Variants in ATP13A3 observed in about 807,000 individuals in gnomAD.
The protein encoded by ATP13A3 is polyamine-transporting ATPase 13A3.
In ATP13A3, 59 loss-of-function variants were observed where a neutral mutation model predicts 158.1. That is an observed-to-expected ratio of 0.37 (90% CI 0.30 to 0.46). ATP13A3 has a LOEUF of 0.46. Ranked by LOEUF, ATP13A3 falls within the 20% of genes least tolerant of loss-of-function variation. The pLI is 1.00. For missense variants in ATP13A3, 1,166 were observed against 1,525.2 expected (o/e 0.76, Z 3.92); for synonymous variants, 491 against 504.3 (o/e 0.97, Z 0.35).
intron 8 of ATP13A3, among the ~76,000 whole-genome samples, chr3:194,455,181 A>G (rs1211990604): frequency 6.6e-6 from 1 of 152,194 alleles, no homozygotes; most frequent in African/African-American, 2.4e-5. Flanking sequence ...GGGTTATGTT[A>G]CTTTGCTTTC....
At chr3:194,429,086 T>G (rs1429327997) in intron 27 of ATP13A3, among the ~76,000 whole-genome samples, 169 bp from the exon 28 acceptor site, 2 of 152,126 alleles carry the variant, frequency 1.3e-5, no homozygotes, top group Admixed American at 1.3e-4. Flanking sequence ...ATAACATATA[T>G]TTATAAATAT....
intron 2 of ATP13A3, among the ~76,000 whole-genome samples, chr3:194,466,430 A>G (rs1325000688): frequency 3.3e-5 from 5 of 152,244 alleles, no homozygotes; most frequent in African/African-American, 1.2e-4. Context: ...AGATTCTGCA[A>G]GTATCAGAAG....
chr3:194,403,632 G>A lies in ATP13A3; in HGVS notation c.*2287C>T, dbSNP rs1714753043. On this transcript the variant is annotated 3_prime_UTR_variant, in exon 34 of 34. Transcript: ENST00000645319. ...TATATGTACAGATTTTAAAATTTAG[G>A]TCTGTATAAACTCAAATAATTTAAT... is the stretch of plus-strand genomic sequence containing the variant. 6.6e-6 allele frequency: 1 copy of A among 152,202 alleles called. No homozygotes were observed. Among genetic ancestry groups the A allele is most frequent in the African/African-American group, 2.4e-5 (1 of 41,374 alleles). 9.4% of individuals were successfully genotyped at this position (152,202 alleles called of 1,614,324 possible). A position where few individuals can be genotyped will look rare whatever the true frequency, so the allele number is the denominator to read the frequency against.
intron 14 of ATP13A3, 64 bp downstream of exon 14, chr3:194,446,863 C>G (rs1718442744): frequency 2.2e-6 from 3 of 1,386,870 alleles, no homozygotes; most frequent in Non-Finnish European, 2.9e-6. Context: ...AAATAAAAAA[C>G]ATTGATCTAA....
Position 194,437,289 on chromosome 3 carries a change from C to T in ATP13A3, c.1999+22G>A, listed in dbSNP as rs761787982. ...TTTACTCAAATACCAGAATTGTACC[C>T]AAAGCATAGATATTTCCTTACCTGT... is the stretch of plus-strand genomic sequence containing the variant. On this transcript the variant is annotated intron_variant, in intron 19 of 33. Coordinates refer to ENST00000645319, the MANE Select transcript of ATP13A3 (RefSeq NM_001367549.1). The T allele has an allele frequency of 3.1e-6, 5 of 1,614,106 alleles. No homozygotes were observed. The South Asian group carries it at 5.5e-5, about 18-fold the overall frequency.
intron 28 of ATP13A3, among the ~76,000 whole-genome samples, chr3:194,428,236 AAG>A (rs1716959335): frequency 6.6e-6 from 1 of 151,464 alleles, no homozygotes; most frequent in Non-Finnish European, 1.5e-5. Flanking sequence ...AAAAAAAAAA[AAG>A]AAAAAAAGAA....
chr3:194,475,397 G>A (rs946091636), intron 2 of ATP13A3, among the ~76,000 whole-genome samples: 1 of 152,058 alleles, frequency 6.6e-6, no homozygotes, highest in South Asian at 2.1e-4. Flanking sequence ...AAATCACTAG[G>A]AAGCTATTCT....
chr3:194,448,533 A>G lies in ATP13A3; in HGVS notation c.1074T>C (p.Thr358=). 6.2e-7 allele frequency: 1 copy of G among 1,614,172 alleles called. No individual in the cohort carries two copies. Residue 358 remains threonine, a synonymous_variant, in exon 12 of 34, where the codon ACT becomes ACC. Coordinates refer to ENST00000645319, the MANE Select transcript of ATP13A3 (RefSeq NM_001367549.1). The surrounding 1 kb of genome is among the most constrained non-coding windows in gnomAD (Gnocchi z 4.0). ...LYNPETHKRH[T]LFCGTTVIQT... Reference sequence around the variant, plus strand: ...GAATAACAGTTGTCCCACAAAACAAAGTATGTCGTTTATGTGTTTCTGGAT... The same window carrying G: ...GAATAACAGTTGTCCCACAAAACAAGGTATGTCGTTTATGTGTTTCTGGAT...
intron 8 of ATP13A3, 95 bp from the exon 9 acceptor site, chr3:194,454,487 T>C (rs1037069713): frequency 4.3e-5 from 56 of 1,304,058 alleles, no homozygotes; most frequent in Non-Finnish European, 5.7e-5. Flanking sequence ...GATACAAATA[T>C]GTACAAGATA....
chr3:194,411,363 C>A (rs1336844449), intron 33 of ATP13A3, among the ~76,000 whole-genome samples: 1 of 152,086 alleles, frequency 6.6e-6, no homozygotes, highest in Non-Finnish European at 1.5e-5. Flanking sequence ...AGCACATCAC[C>A]CATCTCTAAA....
chr3:194,463,249 T>C (rs1719779626), intron 2 of ATP13A3, among the ~76,000 whole-genome samples: 1 of 151,370 alleles, frequency 6.6e-6, no homozygotes, highest in African/African-American at 2.4e-5. Context: ...ACAAAACTTG[T>C]CCAGGGAAAA....
intron 10 of ATP13A3, chr3:194,450,902 T>G (rs953772851): frequency 9.8e-5 from 15 of 152,324 alleles, no homozygotes; most frequent in African/African-American, 3.6e-4. Flanking sequence ...AAAAAAGATC[T>G]TCCCTCTGGT....
At chr3:194,440,811 A>G (rs950948614) in intron 16 of ATP13A3, among the ~76,000 whole-genome samples, 2 of 152,262 alleles carry the variant, frequency 1.3e-5, no homozygotes, top group Admixed American at 1.3e-4. Context: ...CTGTAAAATG[A>G]TAACAACCAG....
chr3:194,408,392 T>A (rs1349487667), intron 33 of ATP13A3, among the ~76,000 whole-genome samples: 1 of 152,154 alleles, frequency 6.6e-6, no homozygotes, highest in Non-Finnish European at 1.5e-5. Flanking sequence ...GCTGACTTTT[T>A]TTAAAAAAGC....
intron 2 of ATP13A3, among the ~76,000 whole-genome samples, chr3:194,463,713 G>C (rs1577082877): frequency 6.6e-6 from 1 of 152,206 alleles, no homozygotes; most frequent in East Asian, 1.9e-4. Context: ...TAAATGACCT[G>C]ATTTAAAAAA....
rs941648698 is a variant in ATP13A3 at position 194,430,147 on chromosome 3, G to A, written c.2702C>T (p.Ser901Leu). The A allele has an allele frequency of 8.7e-6, 14 of 1,613,932 alleles. No individual in the cohort carries two copies. The highest frequency in any genetic ancestry group is 1.3e-5 in the African/African-American group (1 of 74,898). The change falls in exon 26 of 34, where the codon TCG becomes TTG. Residue 901 changes from serine to leucine, a missense_variant. Physicochemically the swap from Ser to Leu is moderately radical, Grantham distance 145 (BLOSUM62 -2). Around this residue, in one of 3 missense-constraint regions of ATP13A3, gnomAD observed 997 missense variants for 1,341.2 expected, o/e 0.74. Coordinates refer to ENST00000645319, the MANE Select transcript of ATP13A3 (RefSeq NM_001367549.1). Reference protein sequence around the residue: ...LKRAHGGISLSELEASVASPF... With the variant: ...LKRAHGGISLLELEASVASPF... ...AGATGCCACTGAAGCTTCGAGCTCC[G>A]ATAAGGAAATGCCTCCGTGTGCCCT...
chr3:194,460,446 G>A (rs573823868), intron 4 of ATP13A3, among the ~76,000 whole-genome samples: 2 of 152,188 alleles, frequency 1.3e-5, no homozygotes, highest in South Asian at 2.1e-4. Flanking sequence ...GAAAGGAAGG[G>A]GGTGAATCTG....
intron 14 of ATP13A3, among the ~76,000 whole-genome samples, 194 bp downstream of exon 14, chr3:194,446,733 C>T (rs771725773): frequency 3.3e-5 from 5 of 151,952 alleles, no homozygotes; most frequent in Admixed American, 6.6e-5. Flanking sequence ...TTTTCAAGAA[C>T]CTATCAGTAA....
At chr3:194,456,013 A>C in intron 7 of ATP13A3, 51 bp from the exon 8 acceptor site, 1 of 1,197,396 alleles carries the variant, frequency 8.4e-7, no homozygotes. Context: ...TAATAGTATA[A>C]TTTACGAAAG....
Sources: allele counts gnomAD v4.1 joint callset (sites outside exome capture counted in the v4.1 genomes callset), GRCh38; gene constraint gnomAD v4.1.1; regional missense constraint gnomAD v4.1.1; non-coding constraint Gnocchi (gnomAD v3.1); transcripts MANE v1.5; gene names NCBI Gene and HGNC (gene_info 2026-07-23, HGNC 2026-07-21).